The following ECM2 variants were observed in gnomAD, a reference collection of about 807,000 sequenced individuals.
The protein encoded by ECM2 is extracellular matrix protein 2, female organ and adipocyte specific.
Under a neutral mutation model 67.5 loss-of-function variants are expected in ECM2, and 57 were observed. The observed-to-expected ratio is 0.84, with a 90% CI of 0.68 to 1.05. The LOEUF (loss-of-function observed/expected upper bound fraction) is 1.05. Among genes scored for constraint, ECM2 ranks in the 50% least tolerant of loss-of-function variants. The probability of loss-of-function intolerance (pLI) is 0.00; values close to 1 mark genes in which losing one functional copy is unlikely to be tolerated. For synonymous variants in ECM2, 258 were observed against 294.5 expected, an observed-to-expected ratio of 0.88 and a Z score of 1.27; for missense variants, 741 against 822.8, an observed-to-expected ratio of 0.90 and a Z score of 1.22.
chr9:92,502,712 A>G, intron 7 of ECM2, 60 bp from the exon 8 acceptor site: 1 of 1,353,642 alleles, frequency 7.4e-7, no homozygotes, highest in Non-Finnish European at 1.0e-6. Flanking sequence ...GTTCAATTTC[A>G]TGGAGACTAA....
chr9:92,514,323 A>G (rs1847548333), intron 4 of ECM2, among the ~76,000 whole-genome samples: 1 of 146,844 alleles, frequency 6.8e-6, no homozygotes, highest in African/African-American at 2.5e-5. Flanking sequence ...TGCCCAGGCT[A>G]GAGAACAGTG....
In ECM2 at chr9:92,496,197, T is replaced by G; in HGVS notation, c.*118A>C. The G allele has an allele frequency of 7.1e-7, 1 of 1,417,484 alleles. No homozygotes were observed. Among genetic ancestry groups the G allele is most frequent in the Non-Finnish European group, 9.1e-7 (1 of 1,093,950 alleles). 87.8% of individuals were successfully genotyped at this position (1,417,484 alleles called of 1,614,324 possible). On this transcript the variant is annotated 3_prime_UTR_variant, in exon 10 of 10. Transcript: ENST00000344604. ...TCATCTGTGTGTTAGTGAATCAGGTTGACTAGCATATAATGATACTGAGTA... is the reference window on the plus strand; with the variant it reads ...TCATCTGTGTGTTAGTGAATCAGGTGGACTAGCATATAATGATACTGAGTA...
chr9:92,537,516 C>T (rs1264627199), upstream of ECM2, among the ~76,000 whole-genome samples: 4 of 151,844 alleles, frequency 2.6e-5, no homozygotes, highest in Non-Finnish European at 5.9e-5. Context: ...AAAAATTAGC[C>T]GAGTATGGTA....
rs1460385975 is a variant in ECM2 at position 92,501,675 on chromosome 9, C to T, written c.1605-622G>A. ...GCTTCTGCCCCACGCCCTCTTTTCA[C>T]CTGATGAAGACTTCTCTGCCTACAG... On this transcript the variant is annotated intron_variant, in intron 8 of 9. Transcript: ENST00000344604. 3.9e-5 allele frequency among the ~76,000 whole-genome samples: 6 copies of T among 152,190 alleles called. 1 individual carries two copies. Among genetic ancestry groups the T allele is most frequent in the African/African-American group, 1.4e-4 (6 of 41,440 alleles).
At chr9:92,553,790 T>C in the ECM2 span, among the ~76,000 whole-genome samples, 2 of 152,226 alleles carry the variant, frequency 1.3e-5, no homozygotes, top group African/African-American at 4.8e-5. Flanking sequence ...TGCTAAATTC[T>C]TTGATCAGTT....
rs144269336 is a variant in ECM2 at position 92,513,552 on chromosome 9, C to T, written c.1054+1079G>A. Among the ~76,000 whole-genome samples the T allele has an allele frequency of 3.2e-3, 485 of 152,288 alleles. 3 individuals carry two copies. The highest frequency in any genetic ancestry group is 5.8e-3 in the Non-Finnish European group (392 of 68,028). On this transcript the variant is annotated intron_variant, in intron 4 of 9. Coordinates refer to ENST00000344604, the MANE Select transcript of ECM2 (RefSeq NM_001393.4). Reference sequence around the variant, plus strand: ...CCCAAACTGGAAACAACTCAGATGACGTTTAACTGATAGGAAACCCTGCCC... The same window carrying T: ...CCCAAACTGGAAACAACTCAGATGATGTTTAACTGATAGGAAACCCTGCCC...
At chr9:92,521,197 A>G (rs1303705142) in intron 2 of ECM2, among the ~76,000 whole-genome samples, 1 of 152,208 alleles carries the variant, frequency 6.6e-6, no homozygotes, top group Non-Finnish European at 1.5e-5. Context: ...TATCTTCTGT[A>G]CTTTTATGCA....
chr9:92,530,215 G>A (rs1001117046), intron 1 of ECM2, among the ~76,000 whole-genome samples: 8 of 152,150 alleles, frequency 5.3e-5, no homozygotes, highest in Admixed American at 2.0e-4. Flanking sequence ...GTGGGTACAT[G>A]TCATTAAAAA....
the ECM2 span, among the ~76,000 whole-genome samples, chr9:92,547,489 C>T: frequency 6.6e-6 from 1 of 152,222 alleles, no homozygotes; most frequent in African/African-American, 2.4e-5. Flanking sequence ...GAATGTCATA[C>T]TGACACATGC....
At chr9:92,549,658 AC>A in the ECM2 span, among the ~76,000 whole-genome samples, 49,610 of 142,868 alleles carry the variant, frequency 0.35, 10,446 homozygotes, top group African/African-American at 0.62. Flanking sequence ...AAAAAAAAAA[AC>A]AAAACAAAAC....
chr9:92,515,897 A>G (rs1847673496), intron 3 of ECM2, among the ~76,000 whole-genome samples: 1 of 152,164 alleles, frequency 6.6e-6, no homozygotes, highest in Non-Finnish European at 1.5e-5. Context: ...AGTGCTGTTT[A>G]TCCTTCCATG....
chr9:92,541,980 G>A, the ECM2 span, among the ~76,000 whole-genome samples: 1 of 152,098 alleles, frequency 6.6e-6, no homozygotes, highest in Admixed American at 6.6e-5. Flanking sequence ...TTTTAATAGA[G>A]ATGGGGTTTC....
chr9:92,542,609 C>G, the ECM2 span, among the ~76,000 whole-genome samples: 1 of 152,068 alleles, frequency 6.6e-6, no homozygotes, highest in African/African-American at 2.4e-5. Context: ...CTCTGCCTCC[C>G]GGGTTCAAGT....
At chr9:92,553,204 G>A in the ECM2 span, among the ~76,000 whole-genome samples, 1 of 152,046 alleles carries the variant, frequency 6.6e-6, no homozygotes, top group Admixed American at 6.6e-5. Flanking sequence ...TTGCTTTGTC[G>A]AAGATCAGTT....
In ECM2 at chr9:92,522,834, C is replaced by G; in HGVS notation, c.33G>C (p.Leu11=). 1 of 1,606,834 alleles carries G rather than the reference C, an allele frequency of 6.2e-7. No homozygotes were observed. The highest frequency in any genetic ancestry group is 8.5e-7 in the Non-Finnish European group (1 of 1,178,336). ...CAAAGTCAGTTTGAAAAATGATAAG[C>G]AGAAAAAAACAAAACAAAACTGCAA... MKIAVLFCFF[L]LIIFQTDFGK... The change falls in exon 2 of 10, where the codon CTG becomes CTC. Residue 11 remains leucine, a synonymous_variant. Transcript: ENST00000344604.
chr9:92,555,294 C>T, the ECM2 span, among the ~76,000 whole-genome samples: 1 of 126,688 alleles, frequency 7.9e-6, no homozygotes, highest in Admixed American at 1.1e-4. Flanking sequence ...ATGGCGTGAT[C>T]TCAGCTCACC....
At chr9:92,553,653 A>G in the ECM2 span, among the ~76,000 whole-genome samples, 2 of 151,906 alleles carry the variant, frequency 1.3e-5, no homozygotes, top group East Asian at 3.9e-4. Flanking sequence ...TAAATATTTT[A>G]TTTATTTATT....
intron 1 of ECM2, among the ~76,000 whole-genome samples, chr9:92,533,328 A>AAATATAT (rs1554683138): frequency 5.2e-5 from 2 of 38,336 alleles, no homozygotes; most frequent in Non-Finnish European, 8.5e-5. Context: ...AAAAAAAAAA[A>AAATATAT]ATATATATAT....
At chr9:92,497,687 A>C (rs771187805) in intron 9 of ECM2, among the ~76,000 whole-genome samples, 3 of 151,560 alleles carry the variant, frequency 2.0e-5, no homozygotes, top group Admixed American at 6.6e-5. Flanking sequence ...CATACCCCAT[A>C]AGGTTTGGTT....
Sources: allele counts gnomAD v4.1 joint callset (sites outside exome capture counted in the v4.1 genomes callset), GRCh38; gene constraint gnomAD v4.1.1; transcripts MANE v1.5; gene names NCBI Gene and HGNC (gene_info 2026-07-23, HGNC 2026-07-21).